RBFOX1: variants seen among roughly 807,000 people sequenced by gnomAD.
RBFOX1 encodes RNA binding fox-1 homolog 1.
A neutral mutation model predicts 57.7 loss-of-function variants in RBFOX1; 8 were observed. The ratio of observed to expected loss-of-function variants is 0.14; its 90% CI spans 0.08 to 0.25. The LOEUF (loss-of-function observed/expected upper bound fraction) is 0.25. Among genes scored for constraint, RBFOX1 ranks in the 10% least tolerant of loss-of-function variants. RBFOX1 has a pLI of 1.00. For synonymous variants in RBFOX1, 326 were observed against 222.4 expected, an observed-to-expected ratio of 1.47 and a Z score of -4.15; for missense variants, 611 against 548.5, an observed-to-expected ratio of 1.11 and a Z score of -1.14.
chr16:6,919,253 G>T (rs187285331), intron 3 of RBFOX1, among the ~76,000 whole-genome samples: 186 of 152,166 alleles, frequency 1.2e-3, no homozygotes, highest in Admixed American at 5.2e-3. Context: ...AAAGTGCTGG[G>T]CTGGGATTAC....
chr16:6,924,787 T>C (rs2075219021), intron 3 of RBFOX1, among the ~76,000 whole-genome samples: 1 of 151,312 alleles, frequency 6.6e-6, no homozygotes, highest in African/African-American at 2.4e-5. Context: ...CCCATTAACT[T>C]GTCATTTAGC....
intron 2 of RBFOX1, among the ~76,000 whole-genome samples, chr16:6,643,710 G>T (rs948619808): frequency 1.3e-5 from 2 of 152,026 alleles, no homozygotes; most frequent in Non-Finnish European, 2.9e-5. Flanking sequence ...CATCGGAGTG[G>T]TAGGAAGCCA....
chr16:5,565,900 C>A (rs1039592118), intron 2 of RBFOX1, among the ~76,000 whole-genome samples: 3 of 151,954 alleles, frequency 2.0e-5, no homozygotes, highest in African/African-American at 7.3e-5. Context: ...CCATAATTCC[C>A]ATGTGTTGTG....
chr16:6,279,151 G>A (rs902918897), intron 1 of RBFOX1, among the ~76,000 whole-genome samples: 4 of 152,066 alleles, frequency 2.6e-5, no homozygotes, highest in East Asian at 1.9e-4. Context: ...GGGTGTTTAT[G>A]GGTATTATAA....
intron 3 of RBFOX1, among the ~76,000 whole-genome samples, chr16:6,737,562 T>C (rs545028994): frequency 6.6e-6 from 1 of 152,330 alleles, no homozygotes; most frequent in East Asian, 1.9e-4. Flanking sequence ...GTTTTAAATC[T>C]GGACTCTGCT....
At chr16:6,756,670 T>A (rs2075833152) in intron 3 of RBFOX1, among the ~76,000 whole-genome samples, 2 of 152,068 alleles carry the variant, frequency 1.3e-5, no homozygotes, top group Non-Finnish European at 2.9e-5. Context: ...GAATAAACAT[T>A]TCTTAAAAGA....
chr16:6,996,147 C>G (rs987557521), intron 3 of RBFOX1, among the ~76,000 whole-genome samples: 6 of 152,168 alleles, frequency 3.9e-5, no homozygotes, highest in African/African-American at 7.2e-5. Context: ...TTATCTGAAA[C>G]TTGGTCATCT....
chr16:5,824,757 A>G (rs1435100225), intron 3 of RBFOX1, among the ~76,000 whole-genome samples: 1 of 152,200 alleles, frequency 6.6e-6, no homozygotes, highest in Non-Finnish European at 1.5e-5. Flanking sequence ...TTATAACTGC[A>G]CACTTTGAGC....
At chr16:6,246,039 A>C (rs1320252002) in intron 1 of RBFOX1, among the ~76,000 whole-genome samples, 1 of 152,218 alleles carries the variant, frequency 6.6e-6, no homozygotes, top group African/African-American at 2.4e-5. Context: ...TGTATATCTG[A>C]ATAATCAGAA....
At chr16:7,172,858 A>G (rs1048212714) in intron 4 of RBFOX1, among the ~76,000 whole-genome samples, 2 of 152,144 alleles carry the variant, frequency 1.3e-5, no homozygotes, top group African/African-American at 4.8e-5. Flanking sequence ...ACATGGGGAG[A>G]TGGTTATCTG....
chr16:5,367,505 AAGG>A (rs1160753194), intron 1 of RBFOX1, among the ~76,000 whole-genome samples: 1 of 152,144 alleles, frequency 6.6e-6, no homozygotes, highest in African/African-American at 2.4e-5. Context: ...GGCAACAGGG[AAGG>A]AGGAGCCCAG....
At position 6,575,420 on chromosome 16, in the gene RBFOX1, C is replaced by T. The variant is rs1290729371; in HGVS notation, c.-63-79183C>T. ...TGACGTGTAACAGAATACCTTTTAC[C>T]ATGAGCTGATTGATACAAACAAGAG... On this transcript the variant is annotated intron_variant, in intron 2 of 15. Transcript: ENST00000550418. 2.6e-5 allele frequency among the ~76,000 whole-genome samples: 4 copies of T among 152,072 alleles called. 1 individual carries two copies. Among genetic ancestry groups the T allele is most frequent in the South Asian group, 4.2e-4 (2 of 4,814 alleles).
rs536115448 is a variant in RBFOX1 at position 7,541,912 on chromosome 16, G to T, written c.270+23523G>T. On this transcript the variant is annotated intron_variant, in intron 5 of 15. Coordinates refer to ENST00000550418, the MANE Select transcript of RBFOX1 (RefSeq NM_018723.4). ...AGCCACATGCCTGCAAAGAAGTCTTGGGTGAGCAGATGCCAAGTTTCCCAG... is the reference window on the plus strand; with the variant it reads ...AGCCACATGCCTGCAAAGAAGTCTTTGGTGAGCAGATGCCAAGTTTCCCAG... Among the ~76,000 whole-genome samples the T allele has an allele frequency of 3.3e-5, 5 of 152,334 alleles. No homozygotes were observed. The South Asian group carries it at 8.3e-4, about 25-fold the overall frequency.
chr16:7,477,036 GA>G (rs1411240686), intron 4 of RBFOX1, among the ~76,000 whole-genome samples: 1 of 152,066 alleles, frequency 6.6e-6, no homozygotes, highest in Non-Finnish European at 1.5e-5. Flanking sequence ...TGTCAGGCTG[GA>G]ACCGTGGGTA....
At chr16:5,344,594 GT>G (rs943335749) in intron 1 of RBFOX1, among the ~76,000 whole-genome samples, 10 of 152,002 alleles carry the variant, frequency 6.6e-5, no homozygotes, top group Non-Finnish European at 1.2e-4. Flanking sequence ...TTCTTGGGAT[GT>G]TTTTTTCCCC....
intron 1 of RBFOX1, among the ~76,000 whole-genome samples, chr16:6,198,767 GT>G (rs2097196855): frequency 6.6e-6 from 1 of 151,998 alleles, no homozygotes; most frequent in African/African-American, 2.4e-5. Flanking sequence ...AATGAGTCTA[GT>G]ATTAATATAG....
At chr16:6,092,514 C>A (rs1271861427) in intron 1 of RBFOX1, 1 of 152,198 alleles carries the variant, frequency 6.6e-6, no homozygotes, top group Non-Finnish European at 1.5e-5. Flanking sequence ...TCGTGTTCAA[C>A]ATGTTATAAC....
intron 11 of RBFOX1, among the ~76,000 whole-genome samples, chr16:7,634,382 A>ATTTT (rs1305202569): frequency 8.1e-6 from 1 of 123,916 alleles, no homozygotes; most frequent in African/African-American, 3.4e-5. Context: ...CTGGCCTTTG[A>ATTTT]TGTTTGTTTT....
At chr16:6,035,201 C>G (rs2095349825) in intron 1 of RBFOX1, among the ~76,000 whole-genome samples, 4 of 152,154 alleles carry the variant, frequency 2.6e-5, no homozygotes, top group Admixed American at 6.5e-5. Context: ...CCCACTAACT[C>G]AGACAAAGAG....
Sources: gnomAD v4.1 joint callset for allele counts (sites outside exome capture counted in the v4.1 genomes callset) on GRCh38, gnomAD v4.1.1 for gene constraint, MANE v1.5 for transcripts, NCBI Gene and HGNC (gene_info 2026-07-23, HGNC 2026-07-21) for gene names.